The following NCOA1 variants were observed in gnomAD, a reference collection of about 807,000 sequenced individuals.
NCOA1 encodes the protein nuclear receptor coactivator 1.
NCOA1 carries 35 observed loss-of-function variants against 150.9 expected under a neutral mutation model. The ratio of observed to expected loss-of-function variants is 0.23; its 90% CI spans 0.18 to 0.31. The LOEUF is 0.31. Among genes scored for constraint, NCOA1 ranks in the 10% least tolerant of loss-of-function variants. The pLI is 1.00. For synonymous variants in NCOA1, 590 were observed against 630.0 expected, an observed-to-expected ratio of 0.94 and a Z score of 0.95; for missense variants, 1,491 against 1,749.3, an observed-to-expected ratio of 0.85 and a Z score of 2.63.
chr2:24,588,919 T>C (rs905977437), intron 3 of NCOA1, among the ~76,000 whole-genome samples: 1 of 152,240 alleles, frequency 6.6e-6, no homozygotes, highest in Non-Finnish European at 1.5e-5. Flanking sequence ...ATTTTTCTTA[T>C]CTCTTCCTTT....
Position 24,739,532 on chromosome 2 carries a change from A to C in NCOA1, c.3302A>C (p.Gln1101Pro). The C allele has an allele frequency of 6.2e-7, 1 of 1,607,644 alleles. No individual in the cohort carries two copies. The highest frequency in any genetic ancestry group is 1.7e-4 in the Middle Eastern group (1 of 6,056). Residue 1101 changes from glutamine (Q) to proline (P), a missense_variant and splice_region_variant, in exon 18 of 23, where the codon CAG becomes CCG. By Grantham distance (76) the Gln-to-Pro change is moderately conservative. This residue lies in a region of NCOA1 where 485 missense variants were observed against 522.8 expected (regional missense o/e 0.93). Coordinates refer to ENST00000348332, the MANE Select transcript of NCOA1 (RefSeq NM_003743.5). The part of the protein sequence containing the change: ...RSGMQQQITP[Q>P]PPLNAQMLAQ... ...GGCATGCAACAGCAAATTACACCTCAGGTAATGTGAGAAAACCAGACGTCA... is the reference window on the plus strand; with the variant it reads ...GGCATGCAACAGCAAATTACACCTCCGGTAATGTGAGAAAACCAGACGTCA...
intron 6 of NCOA1, among the ~76,000 whole-genome samples, chr2:24,669,243 A>T (rs1671578203): frequency 6.6e-6 from 1 of 152,236 alleles, no homozygotes; most frequent in Non-Finnish European, 1.5e-5. Flanking sequence ...GGTTTTAAAA[A>T]GATGGTCTAG....
At chr2:24,599,977 C>T (rs1023664441) in intron 3 of NCOA1, among the ~76,000 whole-genome samples, 2 of 152,036 alleles carry the variant, frequency 1.3e-5, no homozygotes, top group African/African-American at 2.4e-5. Context: ...GTGATCCACC[C>T]GCCTCCGCCT....
chr2:24,754,025 T>C (rs751331248), intron 20 of NCOA1, among the ~76,000 whole-genome samples: 4 of 152,202 alleles, frequency 2.6e-5, no homozygotes, highest in Non-Finnish European at 4.4e-5. Flanking sequence ...ATTTTCCACT[T>C]GTCCAGAAGA....
chr2:24,764,504 G>A (rs1259815148), intron 22 of NCOA1, among the ~76,000 whole-genome samples: 3 of 152,224 alleles, frequency 2.0e-5, no homozygotes, highest in Non-Finnish European at 4.4e-5. Flanking sequence ...AAAGGGTATG[G>A]TAGTTGTTGG....
At chr2:24,692,938 G>A (rs944237488) in intron 9 of NCOA1, among the ~76,000 whole-genome samples, 11 of 152,298 alleles carry the variant, frequency 7.2e-5, no homozygotes, top group African/African-American at 2.6e-4. Context: ...TCGGCTCACT[G>A]CAAGCTCCAC....
chr2:24,515,612 T>C (rs1204057576), intron 1 of NCOA1, among the ~76,000 whole-genome samples: 1 of 152,214 alleles, frequency 6.6e-6, no homozygotes, highest in Non-Finnish European at 1.5e-5. Flanking sequence ...TTATATTACT[T>C]GGAGGAAGGC....
intron 5 of NCOA1, among the ~76,000 whole-genome samples, chr2:24,663,320 C>G (rs1671270573): frequency 6.6e-6 from 1 of 152,108 alleles, no homozygotes; most frequent in African/African-American, 2.4e-5. Context: ...GTTCATGTAT[C>G]TTGTTCTCTA....
rs938764811 is a variant in NCOA1, at chr2:24,710,163, G to A, written c.2419-768G>A. 8.6e-4 allele frequency among the ~76,000 whole-genome samples: 131 copies of A among 151,848 alleles called. 1 individual carries two copies. The highest frequency in any genetic ancestry group is 3.1e-3 in the African/African-American group (127 of 41,418). On this transcript the variant is annotated intron_variant, in intron 13 of 22. Coordinates refer to ENST00000348332, the MANE Select transcript of NCOA1 (RefSeq NM_003743.5). ...GGCTGGAGTGCAGTGGCACGATCTC[G>A]GCTCACTGCAACCTCCGCCTCCCAG... is the stretch of plus-strand genomic sequence containing the variant.
intron 3 of NCOA1, among the ~76,000 whole-genome samples, chr2:24,627,071 A>G (rs2148421258): frequency 6.7e-6 from 1 of 148,348 alleles, no homozygotes; most frequent in South Asian, 2.2e-4. Flanking sequence ...TTATAATTTG[A>G]TTTTAAAATT....
intron 3 of NCOA1, among the ~76,000 whole-genome samples, chr2:24,638,373 A>G (rs1670035912): frequency 6.6e-6 from 1 of 151,710 alleles, no homozygotes; most frequent in Non-Finnish European, 1.5e-5. Flanking sequence ...TTCTTTATCC[A>G]TTCATCTGTT....
intron 19 of NCOA1, among the ~76,000 whole-genome samples, chr2:24,747,305 A>G (rs894989435): frequency 1.5e-4 from 22 of 142,598 alleles, no homozygotes; most frequent in Admixed American, 1.0e-3. Flanking sequence ...TCCCGCTCAC[A>G]TATTTTTATT....
chr2:24,559,755 T>G (rs1000494514), intron 1 of NCOA1, among the ~76,000 whole-genome samples: 1 of 115,022 alleles, frequency 8.7e-6, no homozygotes, highest in Non-Finnish European at 1.8e-5. Flanking sequence ...CTAACTCTTT[T>G]TCCTGCTCTG....
intron 3 of NCOA1, among the ~76,000 whole-genome samples, chr2:24,643,710 C>T (rs1175064847): frequency 1.3e-5 from 2 of 152,068 alleles, no homozygotes; most frequent in African/African-American, 4.8e-5. Context: ...ATGAGTCTTT[C>T]AGAAGTTTAC....
intron 13 of NCOA1, among the ~76,000 whole-genome samples, 168 bp downstream of exon 13, chr2:24,708,056 T>C (rs1190861382): frequency 1.3e-5 from 2 of 152,152 alleles, no homozygotes; most frequent in Admixed American, 6.5e-5. Context: ...CCCTCAGAAG[T>C]TTTCTTTAGA....
intron 1 of NCOA1, among the ~76,000 whole-genome samples, chr2:24,545,518 C>T (rs779062234): frequency 6.6e-5 from 10 of 152,162 alleles, no homozygotes; most frequent in African/African-American, 9.7e-5. Context: ...CAGACACTCC[C>T]CTCCTCAAGG....
At chr2:24,500,484 G>A (rs1412534304) in intron 1 of NCOA1, among the ~76,000 whole-genome samples, 2 of 152,180 alleles carry the variant, frequency 1.3e-5, no homozygotes, top group African/African-American at 4.8e-5. Flanking sequence ...TTCTCTTTCA[G>A]TCTGTTGTGG....
At chr2:24,620,339 C>T (rs1425053921) in intron 3 of NCOA1, among the ~76,000 whole-genome samples, 2 of 152,208 alleles carry the variant, frequency 1.3e-5, no homozygotes, top group African/African-American at 2.4e-5. Flanking sequence ...CGTGCTGGCT[C>T]ACGCCTGTAA....
chr2:24,658,784 A>T lies in NCOA1; in HGVS notation c.89+18A>T, dbSNP rs1671056512. On this transcript the variant is annotated intron_variant, in intron 5 of 22. Coordinates refer to ENST00000348332, the MANE Select transcript of NCOA1 (RefSeq NM_003743.5). ...GCATCAAGGTAGGAACACTCCTCTT[A>T]GTCTATTTTTGGCAGAGCTGCTTTA... is the stretch of plus-strand genomic sequence containing the variant. 6.2e-7 allele frequency: 1 copy of T among 1,611,806 alleles called. No homozygotes were observed. Among genetic ancestry groups the T allele is most frequent in the African/African-American group, 1.3e-5 (1 of 74,866 alleles).
Sources: gnomAD v4.1 joint callset for allele counts (sites outside exome capture counted in the v4.1 genomes callset) on GRCh38, gnomAD v4.1.1 for gene constraint, gnomAD v4.1.1 regional missense constraint, MANE v1.5 for transcripts, NCBI Gene and HGNC (gene_info 2026-07-23, HGNC 2026-07-21) for gene names.